The following TBC1D12 variants were observed in gnomAD, a reference collection of about 807,000 sequenced individuals.
TBC1D12 encodes TBC1 domain family, member 12.
A neutral mutation model predicts 86.7 loss-of-function variants in TBC1D12; 56 were observed. The observed-to-expected ratio is 0.65, with a 90% CI of 0.52 to 0.81. The LOEUF (loss-of-function observed/expected upper bound fraction) is 0.81, where lower values mean the gene tolerates loss of function less well. Ranked by LOEUF, TBC1D12 falls within the 30% of genes least tolerant of loss-of-function variation. The pLI is 0.00. For missense variants in TBC1D12, 1,023 were observed against 1,038.8 expected, an observed-to-expected ratio of 0.98 and a Z score of 0.21; for synonymous variants, 421 against 411.7, an observed-to-expected ratio of 1.02 and a Z score of -0.27.
Position 94,403,529 on chromosome 10 carries a change from G to C in TBC1D12, c.916G>C (p.Ala306Pro), listed in dbSNP as rs771573232. 6 of 1,537,044 alleles carry C rather than the reference G, an allele frequency of 3.9e-6. No homozygotes were observed. Among genetic ancestry groups the C allele is most frequent in the Admixed American group, 4.2e-5 (2 of 47,636 alleles). ...CTTGCCCGCCGCGGAGCAGGGTCCT[G>C]CGGGGGCTTCGGCCCGGGCTCGACG... ...VPLPAAEQGPAGASARARRSG... is the reference protein window; with the variant it reads ...VPLPAAEQGPPGASARARRSG... Residue 306 changes from alanine to proline, a missense_variant, in exon 1 of 13, where the codon GCG becomes CCG. Ala to Pro is a conservative substitution (Grantham distance 27). Around this residue, in one of 2 missense-constraint regions of TBC1D12, gnomAD observed 628 missense variants for 531.1 expected, o/e 1.18. Coordinates refer to ENST00000225235, the MANE Select transcript of TBC1D12 (RefSeq NM_015188.2).
intron 2 of TBC1D12, among the ~76,000 whole-genome samples, chr10:94,448,994 A>G (rs183016175): frequency 2.0e-5 from 3 of 152,274 alleles, no homozygotes; most frequent in Admixed American, 2.0e-4. Context: ...TACTAGTAAT[A>G]TTTCTGGGCC....
rs1461628113 is a variant in TBC1D12, at chr10:94,533,973, C to A, written c.*877C>A. On this transcript the variant is annotated 3_prime_UTR_variant, in exon 13 of 13. Coordinates refer to ENST00000225235, the MANE Select transcript of TBC1D12 (RefSeq NM_015188.2). ...CTGAGAGTTCTTAAACAGCATGCTA[C>A]TTGGCAAGACTTCATATTTTTTAGT... The A allele has an allele frequency of 6.6e-6, 1 of 152,140 alleles. No homozygotes were observed. The highest frequency in any genetic ancestry group is 1.5e-5 in the Non-Finnish European group (1 of 68,026). The allele number at this position is 152,140 out of a possible 1,614,324, so 9.4% of individuals were successfully genotyped here.
At chr10:94,475,531 A>G (rs965259389) in intron 3 of TBC1D12, among the ~76,000 whole-genome samples, 2 of 152,016 alleles carry the variant, frequency 1.3e-5, no homozygotes, top group African/African-American at 2.4e-5. Flanking sequence ...CCTGGGTTCA[A>G]ACCATTCTCT....
chr10:94,495,055 A>C (rs2056297381), intron 4 of TBC1D12, among the ~76,000 whole-genome samples: 1 of 137,926 alleles, frequency 7.3e-6, no homozygotes, highest in South Asian at 2.4e-4. Context: ...ACAAAATCTC[A>C]CTCTGTCACC....
chr10:94,525,970 C>A (rs1419914811), intron 11 of TBC1D12, among the ~76,000 whole-genome samples: 1 of 152,012 alleles, frequency 6.6e-6, no homozygotes, highest in Non-Finnish European at 1.5e-5. Flanking sequence ...TATAGTTGTC[C>A]TATTTGAAAC....
At chr10:94,464,793 T>C (rs1364279921) in intron 2 of TBC1D12, among the ~76,000 whole-genome samples, 1 of 152,182 alleles carries the variant, frequency 6.6e-6, no homozygotes, top group Non-Finnish European at 1.5e-5. Context: ...ATAAAGCTAT[T>C]ATATGTTAAC....
chr10:94,487,057 A>G (rs1015675665), intron 3 of TBC1D12, among the ~76,000 whole-genome samples: 2 of 152,072 alleles, frequency 1.3e-5, no homozygotes, highest in African/African-American at 4.8e-5. Context: ...TCATTATATA[A>G]TGACCTTCTT....
At chr10:94,417,750 C>CTT (rs35840263) in intron 1 of TBC1D12, among the ~76,000 whole-genome samples, 12 of 131,718 alleles carry the variant, frequency 9.1e-5, no homozygotes, top group African/African-American at 2.6e-4. Flanking sequence ...GTCTCTTCTT[C>CTT]TTTTTTTTTT....
intron 1 of TBC1D12, among the ~76,000 whole-genome samples, chr10:94,433,379 A>G (rs976129157): frequency 1.1e-4 from 16 of 152,104 alleles, no homozygotes; most frequent in Non-Finnish European, 1.9e-4. Context: ...TCAGCCTTCC[A>G]AAGTGCTGGG....
chr10:94,435,507 C>A (rs538351444), intron 1 of TBC1D12, among the ~76,000 whole-genome samples: 19 of 151,952 alleles, frequency 1.3e-4, no homozygotes, highest in South Asian at 1.0e-3. Context: ...ATTTGTTTTC[C>A]CTCTTTCTGC....
intron 11 of TBC1D12, among the ~76,000 whole-genome samples, chr10:94,530,755 T>C (rs1842399640): frequency 2.6e-5 from 4 of 152,124 alleles, no homozygotes. Context: ...TCTACCACTC[T>C]AGTATATATT....
rs548945819 is a variant in TBC1D12 at position 94,510,111 on chromosome 10, G to A, written c.1621G>A (p.Glu541Lys). ...DTEGVSVADR[E>K]ASLELIKLDI... Reference sequence around the variant, plus strand: ...TGCAGGTGTATCTGTTGCTGATCGAGAGGCCAGTCTGGAATTAATTAAGTT... The same window carrying A: ...TGCAGGTGTATCTGTTGCTGATCGAAAGGCCAGTCTGGAATTAATTAAGTT... The change falls in exon 8 of 13, where the codon GAG (glutamate) becomes AAG (lysine). Residue 541 changes from glutamate (E) to lysine (K), a missense_variant. Around this residue, in one of 2 missense-constraint regions of TBC1D12, gnomAD observed 395 missense variants for 507.7 expected, o/e 0.78. Transcript: ENST00000225235. 6.2e-7 allele frequency: 1 copy of A among 1,609,200 alleles called. No homozygotes were observed. The highest frequency in any genetic ancestry group is 2.2e-5 in the East Asian group (1 of 44,532).
chr10:94,422,185 GTT>G (rs57798611), intron 1 of TBC1D12, among the ~76,000 whole-genome samples: 60 of 106,794 alleles, frequency 5.6e-4, no homozygotes, highest in East Asian at 2.8e-3. Context: ...GGTTCATGTA[GTT>G]TTTTTTTTTT....
At chr10:94,458,977 G>C (rs2055675616) in intron 2 of TBC1D12, among the ~76,000 whole-genome samples, 1 of 152,220 alleles carries the variant, frequency 6.6e-6, no homozygotes, top group Non-Finnish European at 1.5e-5. Context: ...AGCGTGGAAG[G>C]GGACCCAAGC....
chr10:94,460,230 AT>A, intron 2 of TBC1D12, among the ~76,000 whole-genome samples: 1 of 152,290 alleles, frequency 6.6e-6, no homozygotes, highest in East Asian at 1.9e-4. Context: ...ACAGAACAAG[AT>A]TCCATCTCAA....
At chr10:94,409,622 C>T (rs757604757) in intron 1 of TBC1D12, among the ~76,000 whole-genome samples, 6 of 151,956 alleles carry the variant, frequency 3.9e-5, no homozygotes, top group South Asian at 2.1e-4. Flanking sequence ...GTGATCTGCC[C>T]GCTTTGGCCT....
At chr10:94,416,715 G>A (rs1386851267) in intron 1 of TBC1D12, among the ~76,000 whole-genome samples, 1 of 152,096 alleles carries the variant, frequency 6.6e-6, no homozygotes, top group Non-Finnish European at 1.5e-5. Context: ...TTATAAAAGA[G>A]GATATGAGGA....
At chr10:94,444,196 G>A (rs1217338306) in intron 2 of TBC1D12, among the ~76,000 whole-genome samples, 14 of 149,454 alleles carry the variant, frequency 9.4e-5, no homozygotes, top group Non-Finnish European at 1.8e-4. Flanking sequence ...AAGAATGAAA[G>A]AAAACATATT....
intron 1 of TBC1D12, among the ~76,000 whole-genome samples, chr10:94,403,957 A>C (rs1252972008): frequency 6.6e-6 from 1 of 152,068 alleles, no homozygotes; most frequent in Admixed American, 6.5e-5. Flanking sequence ...TCCAATTTTT[A>C]AAAATTTTAC....
Sources: allele counts gnomAD v4.1 joint callset (sites outside exome capture counted in the v4.1 genomes callset), GRCh38; gene constraint gnomAD v4.1.1; regional missense constraint gnomAD v4.1.1; transcripts MANE v1.5; gene names NCBI Gene and HGNC (gene_info 2026-07-23, HGNC 2026-07-21).